The following ARHGEF3 variants were observed in gnomAD, a reference collection of about 807,000 sequenced individuals.
The protein encoded by ARHGEF3 is 59.8 kDA protein.
ARHGEF3 carries 28 observed loss-of-function variants against 63.2 expected under a neutral mutation model. The observed-to-expected ratio is 0.44, with a 90% CI of 0.33 to 0.61. The LOEUF (loss-of-function observed/expected upper bound fraction) is 0.61, where lower values mean the gene tolerates loss of function less well. ARHGEF3 is among the 20% of genes least tolerant of loss of function. ARHGEF3 has a pLI of 0.03. For missense variants in ARHGEF3, 533 were observed against 659.3 expected, an observed-to-expected ratio of 0.81 and a Z score of 2.10; for synonymous variants, 266 against 254.2, an observed-to-expected ratio of 1.05 and a Z score of -0.44.
chr3:56,794,402 A>T (rs2037236652), intron 1 of ARHGEF3, among the ~76,000 whole-genome samples: 1 of 150,950 alleles, frequency 6.6e-6, no homozygotes, highest in Non-Finnish European at 1.5e-5. Context: ...ACAGGAGAAC[A>T]GCTTGAACCC....
intron 1 of ARHGEF3, among the ~76,000 whole-genome samples, chr3:56,780,695 G>C (rs1341821542): frequency 1.3e-5 from 2 of 152,160 alleles, no homozygotes; most frequent in African/African-American, 4.8e-5. Flanking sequence ...GAAGAGTACT[G>C]GTTGGTTATT....
At chr3:56,971,692 A>G (rs1700917447) in intron 2 of ARHGEF3, among the ~76,000 whole-genome samples, 1 of 151,708 alleles carries the variant, frequency 6.6e-6, no homozygotes. Flanking sequence ...TCTACTAAAA[A>G]TACAAAAAAA....
intron 1 of ARHGEF3, among the ~76,000 whole-genome samples, chr3:57,046,499 G>A (rs1283015898): frequency 3.3e-5 from 5 of 152,196 alleles, no homozygotes; most frequent in Admixed American, 2.0e-4. Context: ...AAGGGAGGAC[G>A]AAGCTCAGCC....
chr3:57,014,976 T>C (rs1702924150), intron 2 of ARHGEF3, among the ~76,000 whole-genome samples: 1 of 151,830 alleles, frequency 6.6e-6, no homozygotes. Flanking sequence ...TGAGCCACTG[T>C]GCCCGGCCAA....
intron 2 of ARHGEF3, among the ~76,000 whole-genome samples, chr3:57,000,951 T>G (rs1230193476): frequency 6.6e-6 from 1 of 152,170 alleles, no homozygotes; most frequent in Non-Finnish European, 1.5e-5. Context: ...TTTTTAATTT[T>G]TTTTTAGAGA....
chr3:56,859,750 C>G (rs2040004966), intron 4 of ARHGEF3, among the ~76,000 whole-genome samples: 2 of 149,012 alleles, frequency 1.3e-5, no homozygotes, highest in East Asian at 4.0e-4. Context: ...GTTGGCCAGG[C>G]TGGTCTCGAA....
intron 3 of ARHGEF3, among the ~76,000 whole-genome samples, chr3:56,909,850 G>A (rs2041808632): frequency 6.6e-6 from 1 of 152,086 alleles, no homozygotes; most frequent in Admixed American, 6.6e-5. Context: ...TTATTCTTCA[G>A]CAAATATTTA....
At chr3:56,994,729 G>A (rs746144099) in intron 2 of ARHGEF3, among the ~76,000 whole-genome samples, 11 of 152,036 alleles carry the variant, frequency 7.2e-5, no homozygotes, top group South Asian at 2.1e-4. Context: ...ACACTCCCCC[G>A]AATCCAGGAC....
intron 4 of ARHGEF3, among the ~76,000 whole-genome samples, chr3:56,815,017 G>A (rs575709415): frequency 1.3e-5 from 2 of 152,142 alleles, no homozygotes; most frequent in African/African-American, 2.4e-5. Context: ...AGTGGCATAT[G>A]CCTATGGTGA....
At chr3:56,803,550 C>G (rs2037754159), upstream of ARHGEF3, among the ~76,000 whole-genome samples, 1 of 151,654 alleles carries the variant, frequency 6.6e-6, no homozygotes, top group Admixed American at 6.6e-5. Flanking sequence ...ACCTGTAATC[C>G]CAACACTTTG....
At chr3:56,968,058 TATAA>T (rs1198474746) in intron 2 of ARHGEF3, among the ~76,000 whole-genome samples, 4,967 of 22,574 alleles carry the variant, frequency 0.22, 275 homozygotes, top group East Asian at 0.44. Context: ...ATATAATATA[TATAA>T]TATATATAAT....
intron 1 of ARHGEF3, among the ~76,000 whole-genome samples, chr3:56,784,825 G>A (rs1230916951): frequency 6.6e-6 from 1 of 152,188 alleles, no homozygotes; most frequent in Non-Finnish European, 1.5e-5. Context: ...TCTGGTCAGA[G>A]TGCAATACCC....
At chr3:56,802,774 A>C (rs2037721548), upstream of ARHGEF3, among the ~76,000 whole-genome samples, 1 of 152,214 alleles carries the variant, frequency 6.6e-6, no homozygotes, top group Non-Finnish European at 1.5e-5. Flanking sequence ...ATGCCCAAGA[A>C]GGCGATTGAT....
At chr3:56,921,896 A>T (rs1268427413) in intron 3 of ARHGEF3, among the ~76,000 whole-genome samples, 2 of 152,248 alleles carry the variant, frequency 1.3e-5, no homozygotes, top group Admixed American at 1.3e-4. Flanking sequence ...ATGCTGGAAC[A>T]TGGAAGTCTC....
chr3:57,006,187 A>T (rs1000425631), intron 2 of ARHGEF3, among the ~76,000 whole-genome samples: 1 of 152,220 alleles, frequency 6.6e-6, no homozygotes, highest in African/African-American at 2.4e-5. Flanking sequence ...AGCCACATAA[A>T]GCAAGTGTAT....
chr3:56,835,888 C>T (rs1405292525), intron 4 of ARHGEF3, among the ~76,000 whole-genome samples: 2 of 152,216 alleles, frequency 1.3e-5, no homozygotes, highest in East Asian at 3.8e-4. Flanking sequence ...TGCACCTCCA[C>T]ACAGACTTCC....
chr3:56,872,955 C>T (rs1464558167), intron 4 of ARHGEF3, among the ~76,000 whole-genome samples: 2 of 152,098 alleles, frequency 1.3e-5, no homozygotes, highest in African/African-American at 2.4e-5. Context: ...TCACGATAGG[C>T]CAGGTACTAA....
At chr3:56,959,530 C>T (rs1438298736) in intron 2 of ARHGEF3, among the ~76,000 whole-genome samples, 1 of 152,182 alleles carries the variant, frequency 6.6e-6, no homozygotes, top group African/African-American at 2.4e-5. Context: ...GCCAATATAA[C>T]TACAGGAATA....
intron 2 of ARHGEF3, among the ~76,000 whole-genome samples, chr3:56,967,549 G>C (rs1236855001): frequency 1.3e-5 from 1 of 74,712 alleles, no homozygotes; most frequent in African/African-American, 5.4e-5. Context: ...TACATATTAT[G>C]TACATTATAT....
Sources: allele counts gnomAD v4.1 joint callset (sites outside exome capture counted in the v4.1 genomes callset), GRCh38; gene constraint gnomAD v4.1.1; transcripts MANE v1.5; gene names NCBI Gene and HGNC (gene_info 2026-07-23, HGNC 2026-07-21).